The following RXFP1 variants were observed in gnomAD, a reference collection of about 807,000 sequenced individuals.
RXFP1 encodes relaxin receptor 1.
Under a neutral mutation model 89.8 loss-of-function variants are expected in RXFP1, and 73 were observed. The ratio of observed to expected loss-of-function variants is 0.81; its 90% CI spans 0.67 to 0.99. RXFP1 has a LOEUF of 0.99. RXFP1 is among the 50% of genes least tolerant of loss of function. The pLI is 0.00. For missense variants in RXFP1, 793 were observed against 895.5 expected (o/e 0.89, Z 1.46); for synonymous variants, 277 against 305.5 (o/e 0.91, Z 0.97).
At chr4:158,623,404 A>AGGC (rs1413355703) in intron 9 of RXFP1, among the ~76,000 whole-genome samples, 1 of 147,142 alleles carries the variant, frequency 6.8e-6, no homozygotes, top group Non-Finnish European at 1.5e-5. Flanking sequence ...CAGGAGGCTG[A>AGGC]GGCAGGAGAA....
intron 1 of RXFP1, among the ~76,000 whole-genome samples, chr4:158,522,456 T>G (rs1402637817): frequency 6.6e-6 from 1 of 152,198 alleles, no homozygotes; most frequent in Non-Finnish European, 1.5e-5. Context: ...GGTGTGCTTC[T>G]GGGCAGGGAG....
At chr4:158,644,637 A>G (rs1453665306) in intron 14 of RXFP1, among the ~76,000 whole-genome samples, 1 of 152,202 alleles carries the variant, frequency 6.6e-6, no homozygotes, top group Non-Finnish European at 1.5e-5. Context: ...TCTCTTGATC[A>G]CATCTAACAG....
chr4:158,650,432 A>AATATATATATAT (rs149845150), intron 17 of RXFP1, among the ~76,000 whole-genome samples: 1,513 of 145,392 alleles, frequency 0.01, 22 homozygotes, highest in African/African-American at 0.033. Context: ...AATATATATA[A>AATATATATATAT]ATATATATAT....
chr4:158,525,528 A>AT (rs1229970419), intron 1 of RXFP1, among the ~76,000 whole-genome samples: 37 of 152,230 alleles, frequency 2.4e-4, no homozygotes, highest in Non-Finnish European at 2.9e-5. Context: ...TTCAAGTACA[A>AT]TTTCACACAT....
At chr4:158,626,936 C>A in intron 10 of RXFP1, 45 bp downstream of exon 10, 2 of 1,072,414 alleles carry the variant, frequency 1.9e-6, no homozygotes, top group Admixed American at 2.8e-5. Flanking sequence ...TCTTTTCTTA[C>A]AAATAAAATT....
chr4:158,561,626 C>CTTTTTTTTTTTT (rs70962615), intron 1 of RXFP1, among the ~76,000 whole-genome samples: 2 of 112,620 alleles, frequency 1.8e-5, no homozygotes, highest in African/African-American at 3.3e-5. Context: ...TTCTTTTTTT[C>CTTTTTTTTTTTT]TTTTTTTTTT....
intron 1 of RXFP1, among the ~76,000 whole-genome samples, chr4:158,534,728 T>C (rs1419607289): frequency 6.6e-6 from 1 of 151,944 alleles, no homozygotes; most frequent in African/African-American, 2.4e-5. Context: ...TTTAGAAATT[T>C]GTCAATGTCA....
intron 1 of RXFP1, among the ~76,000 whole-genome samples, chr4:158,544,582 A>T (rs909602071): frequency 3.3e-5 from 5 of 152,086 alleles, no homozygotes; most frequent in Non-Finnish European, 7.4e-5. Flanking sequence ...ATATACCCTA[A>T]TGCTATCCCT....
intron 2 of RXFP1, among the ~76,000 whole-genome samples, chr4:158,588,846 T>C (rs1349908614): frequency 2.6e-5 from 4 of 152,338 alleles, no homozygotes; most frequent in East Asian, 1.9e-4. Flanking sequence ...TGCTCCTCAA[T>C]TGCTTTTCGC....
chr4:158,547,974 T>G (rs549160626), intron 1 of RXFP1, among the ~76,000 whole-genome samples: 4 of 152,324 alleles, frequency 2.6e-5, no homozygotes, highest in African/African-American at 9.6e-5. Context: ...GTCTGCTGGG[T>G]GCAGAGCTGA....
chr4:158,571,182 T>C (rs1199650714), intron 1 of RXFP1, among the ~76,000 whole-genome samples: 2 of 152,188 alleles, frequency 1.3e-5, no homozygotes, highest in African/African-American at 4.8e-5. Flanking sequence ...CCCTGGGAGA[T>C]GGTAACCTCC....
At chr4:158,585,661 G>A (rs1758152367) in intron 2 of RXFP1, among the ~76,000 whole-genome samples, 1 of 152,018 alleles carries the variant, frequency 6.6e-6, no homozygotes, top group African/African-American at 2.4e-5. Context: ...ATGACATTTT[G>A]AGCTGGATGA....
intron 1 of RXFP1, among the ~76,000 whole-genome samples, chr4:158,552,595 T>C (rs1750389278): frequency 6.6e-6 from 1 of 152,206 alleles, no homozygotes; most frequent in African/African-American, 2.4e-5. Context: ...TATGTCCAAG[T>C]AGCCGTGTTT....
chr4:158,548,820 G>T (rs1749265554), intron 1 of RXFP1, among the ~76,000 whole-genome samples: 1 of 152,232 alleles, frequency 6.6e-6, no homozygotes, highest in Admixed American at 6.5e-5. Flanking sequence ...CGAGAGATCA[G>T]CTGTTAGTCT....
chr4:158,583,628 C>G (rs1299153467), intron 2 of RXFP1, among the ~76,000 whole-genome samples: 2 of 152,158 alleles, frequency 1.3e-5, no homozygotes, highest in Non-Finnish European at 2.9e-5. Flanking sequence ...TTATTATTCT[C>G]AAAATAACAT....
chr4:158,644,839 A>T, intron 14 of RXFP1, 70 bp from the exon 15 acceptor site: 2 of 1,022,690 alleles, frequency 2.0e-6, no homozygotes, highest in South Asian at 2.9e-5. Flanking sequence ...AAATGTAGGA[A>T]ATAAATATGA....
rs1249589107 is a variant in RXFP1 at position 158,552,047 on chromosome 4, G to A, written c.50-20651G>A. Among the ~76,000 whole-genome samples the A allele has an allele frequency of 2.6e-5, 4 of 152,344 alleles. No individual in the cohort carries two copies. In the East Asian group the frequency reaches 7.7e-4, roughly 29 times the overall value. On this transcript the variant is annotated intron_variant, in intron 1 of 17. Coordinates refer to ENST00000307765, the MANE Select transcript of RXFP1 (RefSeq NM_021634.4). ...GACACTTTGACAATAAGGCTGAAGTGTCACAAAGGAAGTTATTAAAAATGT... is the reference window on the plus strand; with the variant it reads ...GACACTTTGACAATAAGGCTGAAGTATCACAAAGGAAGTTATTAAAAATGT...
Position 158,603,168 on chromosome 4 carries a change from C to T in RXFP1, c.393-1900C>T, listed in dbSNP as rs1762002632. ...TATGTTGCCAAGCTGGTCTTGAACT[C>T]CTGGGCTCAAGTGATCCTCACACCT... On this transcript the variant is annotated intron_variant, in intron 4 of 17. Coordinates refer to ENST00000307765, the MANE Select transcript of RXFP1 (RefSeq NM_021634.4). Among the ~76,000 whole-genome samples, 4 of 152,214 alleles carry T rather than the reference C, an allele frequency of 2.6e-5. No homozygotes were observed. The South Asian group carries it at 6.2e-4, about 24-fold the overall frequency.
At chr4:158,532,284 CTGGGTAGTATTCCA>C (rs1429363131) in intron 1 of RXFP1, among the ~76,000 whole-genome samples, 1 of 152,058 alleles carries the variant, frequency 6.6e-6, no homozygotes, top group Non-Finnish European at 1.5e-5. Flanking sequence ...TTTTTTATGG[CTGGGTAGTATTCCA>C]TGGTACCATA....
Sources: gnomAD v4.1 joint callset for allele counts (sites outside exome capture counted in the v4.1 genomes callset) on GRCh38, gnomAD v4.1.1 for gene constraint, MANE v1.5 for transcripts, NCBI Gene and HGNC (gene_info 2026-07-23, HGNC 2026-07-21) for gene names.